ARHGAP32: variants seen among roughly 807,000 people sequenced by gnomAD.
The protein encoded by ARHGAP32 is rho GTPase-activating protein 32.
Under a neutral mutation model 186.5 loss-of-function variants are expected in ARHGAP32, and 51 were observed. The observed-to-expected ratio is 0.27, with a 90% CI of 0.22 to 0.35. The LOEUF (loss-of-function observed/expected upper bound fraction) is 0.35, where lower values mean the gene tolerates loss of function less well. Ranked by LOEUF, ARHGAP32 falls within the 10% of genes least tolerant of loss-of-function variation. The pLI, the probability that ARHGAP32 is intolerant of heterozygous loss-of-function variation, is 1.00. For synonymous variants in ARHGAP32, 950 were observed against 964.3 expected, an observed-to-expected ratio of 0.99 and a Z score of 0.27; for missense variants, 2,186 against 2,623.5, an observed-to-expected ratio of 0.83 and a Z score of 3.64.
intron 11 of ARHGAP32, among the ~76,000 whole-genome samples, chr11:129,008,879 T>C (rs567817891): frequency 6.6e-6 from 1 of 152,332 alleles, no homozygotes; most frequent in East Asian, 1.9e-4. Context: ...TCACATATAA[T>C]ATCACTATAT....
chr11:129,220,741 T>A (rs1944701436), intron 1 of ARHGAP32, among the ~76,000 whole-genome samples: 1 of 152,212 alleles, frequency 6.6e-6, no homozygotes, highest in Non-Finnish European at 1.5e-5. Flanking sequence ...GTTTAAGAAC[T>A]TGTAGGTGAT....
chr11:129,134,872 C>A (rs1223695905), intron 2 of ARHGAP32, among the ~76,000 whole-genome samples: 2 of 152,162 alleles, frequency 1.3e-5, no homozygotes, highest in African/African-American at 4.8e-5. Flanking sequence ...AAGAAAGAAA[C>A]CCTCACCAGA....
chr11:129,127,488 A>G (rs764993990), intron 2 of ARHGAP32, among the ~76,000 whole-genome samples: 2 of 151,986 alleles, frequency 1.3e-5, no homozygotes, highest in Non-Finnish European at 2.9e-5. Context: ...CTCTCAGTAT[A>G]TTTTTGTGAA....
At chr11:129,007,009 C>T (rs571443186) in intron 11 of ARHGAP32, among the ~76,000 whole-genome samples, 11 of 152,272 alleles carry the variant, frequency 7.2e-5, no homozygotes, top group Non-Finnish European at 1.5e-4. Context: ...ATGGCCACCA[C>T]CACCACAGGG....
chr11:129,164,273 T>C (rs936790394), intron 2 of ARHGAP32, 46 bp downstream of exon 2: 13 of 1,164,864 alleles, frequency 1.1e-5, no homozygotes, highest in African/African-American at 9.4e-5. Flanking sequence ...AAGTGCTATA[T>C]ATACATATAT....
intron 5 of ARHGAP32, among the ~76,000 whole-genome samples, chr11:129,100,582 T>TGG (rs1458309929): frequency 2.0e-5 from 3 of 151,796 alleles, no homozygotes; most frequent in Non-Finnish European, 2.9e-5. Context: ...TGAACAAGAG[T>TGG]GCAATCCACC....
At chr11:129,027,368 A>C (rs1401685622) in intron 11 of ARHGAP32, among the ~76,000 whole-genome samples, 1 of 152,152 alleles carries the variant, frequency 6.6e-6, no homozygotes, top group African/African-American at 2.4e-5. Flanking sequence ...AACTGCTCAA[A>C]GTCTTCCACT....
chr11:129,047,817 T>C (rs1388315660), intron 10 of ARHGAP32, among the ~76,000 whole-genome samples: 1 of 152,210 alleles, frequency 6.6e-6, no homozygotes, highest in Non-Finnish European at 1.5e-5. Context: ...GGTAAGTCAA[T>C]GAGTCAATTA....
rs114127651 is a variant in ARHGAP32, at chr11:129,047,556, C to T, written c.964-6547G>A. Reference sequence around the variant, plus strand: ...AATATTAACTTCCTGCCAAACCAATCCAGCAAACCACCACAACTAAATCAA... The same window carrying T: ...AATATTAACTTCCTGCCAAACCAATTCAGCAAACCACCACAACTAAATCAA... On this transcript the variant is annotated intron_variant, in intron 10 of 22. Transcript: ENST00000682385. 5.8e-3 allele frequency among the ~76,000 whole-genome samples: 885 copies of T among 152,180 alleles called. 6 individuals carry two copies. Among genetic ancestry groups the T allele is most frequent in the African/African-American group, 0.02 (847 of 41,510 alleles).
rs750263627 is a variant in ARHGAP32 at position 129,099,777 on chromosome 11, T to C, written c.445-6070A>G. On this transcript the variant is annotated intron_variant, in intron 5 of 22. Transcript: ENST00000682385. ...AGTGGGGGAGAACAAGGTGGCTGAC[T>C]AGATGCAGCCAGGTGAAACAGCTCC... Among the ~76,000 whole-genome samples, 22 of 151,904 alleles carry C rather than the reference T, an allele frequency of 1.4e-4. No individual in the cohort carries two copies. The South Asian group carries it at 1.5e-3, about 10-fold the overall frequency.
chr11:128,971,200 C>A (rs767866888), intron 22 of ARHGAP32, 41 bp from the exon 23 acceptor site: 3 of 1,520,752 alleles, frequency 2.0e-6, no homozygotes, highest in African/African-American at 2.8e-5. Flanking sequence ...TTTTTTGTTC[C>A]CTCTATGAAT....
At chr11:129,229,189 T>G (rs908731598) in intron 1 of ARHGAP32, among the ~76,000 whole-genome samples, 1 of 152,184 alleles carries the variant, frequency 6.6e-6, no homozygotes, top group Non-Finnish European at 1.5e-5. Context: ...TATACTATTC[T>G]TTTGGCTTAA....
At chr11:129,003,175 T>C (rs1346742983) in intron 11 of ARHGAP32, among the ~76,000 whole-genome samples, 1 of 152,222 alleles carries the variant, frequency 6.6e-6, no homozygotes, top group Non-Finnish European at 1.5e-5. Context: ...ATTCTGTTGA[T>C]ATGATGTATC....
chr11:129,128,225 G>T (rs1034872996), intron 2 of ARHGAP32, among the ~76,000 whole-genome samples: 1 of 152,076 alleles, frequency 6.6e-6, no homozygotes, highest in Non-Finnish European at 1.5e-5. Context: ...GTATATTGGG[G>T]CATTTCATTA....
chr11:128,976,078 C>CATAT (rs71472082), intron 20 of ARHGAP32, among the ~76,000 whole-genome samples: 2,230 of 145,778 alleles, frequency 0.015, 30 homozygotes, highest in Middle Eastern at 0.028. Context: ...CTCTGTCTAA[C>CATAT]ATATATATAT....
chr11:129,051,235 T>C (rs1046663275), intron 10 of ARHGAP32, among the ~76,000 whole-genome samples: 2 of 152,228 alleles, frequency 1.3e-5, no homozygotes, highest in African/African-American at 4.8e-5. Flanking sequence ...TCCATAATGG[T>C]TGAACTAATT....
intron 1 of ARHGAP32, among the ~76,000 whole-genome samples, chr11:129,258,167 T>C (rs985432351): frequency 2.0e-5 from 3 of 152,228 alleles, no homozygotes; most frequent in African/African-American, 4.8e-5. Context: ...TGCTGTGCTA[T>C]GGTTTGTTTT....
At chr11:129,193,683 TATATATTATATAATATATAA>T (rs1565464892), upstream of ARHGAP32, among the ~76,000 whole-genome samples, 6 of 34,030 alleles carry the variant, frequency 1.8e-4, no homozygotes, top group East Asian at 7.7e-4. Context: ...TAATATATAA[TATATATTATATAATATATAA>T]TATATATTAT....
chr11:129,174,139 G>A (rs900794016), intron 1 of ARHGAP32, among the ~76,000 whole-genome samples: 1 of 152,236 alleles, frequency 6.6e-6, no homozygotes, highest in African/African-American at 2.4e-5. Context: ...GAAGCGCAGA[G>A]GGTCAGGGAG....
Sources: allele counts gnomAD v4.1 joint callset (sites outside exome capture counted in the v4.1 genomes callset), GRCh38; gene constraint gnomAD v4.1.1; transcripts MANE v1.5; gene names NCBI Gene and HGNC (gene_info 2026-07-23, HGNC 2026-07-21).